SAMSN1: variants seen among roughly 807,000 people sequenced by gnomAD.
The protein encoded by SAMSN1 is SAM domain-containing protein SAMSN-1.
In SAMSN1, 31 loss-of-function variants were observed where a neutral mutation model predicts 42.0. The ratio of observed to expected loss-of-function variants is 0.74; its 90% CI spans 0.55 to 1.00. SAMSN1 has a LOEUF of 1.00. Among genes scored for constraint, SAMSN1 ranks in the 50% least tolerant of loss-of-function variants. The pLI is 0.00. For synonymous variants in SAMSN1, 178 were observed against 151.9 expected, an observed-to-expected ratio of 1.17 and a Z score of -1.26; for missense variants, 464 against 439.4, an observed-to-expected ratio of 1.06 and a Z score of -0.50.
At chr21:14,490,377 T>C (rs1986631785) in intron 7 of SAMSN1, among the ~76,000 whole-genome samples, 1 of 152,186 alleles carries the variant, frequency 6.6e-6, no homozygotes, top group African/African-American at 2.4e-5. Context: ...ATCTCCAAAG[T>C]GGCAAAACCC....
intron 1 of SAMSN1, among the ~76,000 whole-genome samples, chr21:14,545,095 T>C (rs956951686): frequency 6.6e-6 from 1 of 152,258 alleles, no homozygotes; most frequent in Admixed American, 6.5e-5. Flanking sequence ...AAGATGCTTG[T>C]CTATCCATTA....
chr21:14,550,351 T>C (rs1048433271), upstream of SAMSN1, among the ~76,000 whole-genome samples: 3 of 152,102 alleles, frequency 2.0e-5, no homozygotes, highest in African/African-American at 7.2e-5. Flanking sequence ...GTGTTACTAA[T>C]TGAAAAGCTG....
intron 3 of SAMSN1, among the ~76,000 whole-genome samples, chr21:14,516,639 G>C (rs567440037): frequency 6.6e-6 from 1 of 152,032 alleles, no homozygotes; most frequent in African/African-American, 2.4e-5. Context: ...TGATCTTCCC[G>C]CCACGGCCTC....
intron 2 of SAMSN1, among the ~76,000 whole-genome samples, chr21:14,557,737 G>A (rs1465056566): frequency 6.6e-6 from 1 of 152,168 alleles, no homozygotes; most frequent in African/African-American, 2.4e-5. Flanking sequence ...GAACGTCTCT[G>A]GTCTTTGCCT....
chr21:14,579,068 C>T (rs9978880), intron 2 of SAMSN1, among the ~76,000 whole-genome samples: 3,059 of 152,186 alleles, frequency 0.02, 99 homozygotes, highest in African/African-American at 0.069. Flanking sequence ...ATATTTTTCA[C>T]TTGTTGTTGT....
chr21:14,657,535 A>G (rs1983936935), intron 1 of SAMSN1, among the ~76,000 whole-genome samples: 1 of 151,880 alleles, frequency 6.6e-6, no homozygotes, highest in Non-Finnish European at 1.5e-5. Context: ...AAACATTAGC[A>G]TACTGATTAT....
chr21:14,559,188 A>G lies in SAMSN1; in HGVS notation c.261+22948T>C, dbSNP rs902820596. On this transcript the variant is annotated intron_variant, in intron 2 of 8. Transcript: ENST00000285670. The stretch of plus-strand genomic sequence containing the variant: ...ACTTTCTTTACAAGATAATAAATAT[A>G]TAGGGGAAAAACATGGGCTTTTGTT... Among the ~76,000 whole-genome samples, 6 of 152,168 alleles carry G rather than the reference A, an allele frequency of 3.9e-5. No homozygotes were observed. In the East Asian group the frequency reaches 5.8e-4, roughly 15 times the overall value.
intron 2 of SAMSN1, among the ~76,000 whole-genome samples, chr21:14,565,766 A>T (rs1981099000): frequency 6.6e-6 from 1 of 152,194 alleles, no homozygotes; most frequent in Non-Finnish European, 1.5e-5. Context: ...TCTTTCCGTT[A>T]TACCATGCTA....
chr21:14,508,700 T>C (rs938826670), intron 5 of SAMSN1, among the ~76,000 whole-genome samples: 4 of 152,246 alleles, frequency 2.6e-5, no homozygotes, highest in Non-Finnish European at 5.9e-5. Flanking sequence ...GCAATTCCAC[T>C]GCTAGGTATC....
intron 1 of SAMSN1, chr21:14,582,597 G>T: frequency 2.3e-6 from 1 of 436,190 alleles, no homozygotes. Context: ...GATAAACCAA[G>T]AAGTCATTCA....
chr21:14,598,617 T>C (rs1389971335), intron 6 of SAMSN1, among the ~76,000 whole-genome samples: 1 of 152,188 alleles, frequency 6.6e-6, no homozygotes, highest in Non-Finnish European at 1.5e-5. Context: ...AAGCATTCCA[T>C]GAACTCCTTC....
intron 3 of SAMSN1, among the ~76,000 whole-genome samples, chr21:14,513,206 T>G (rs915823596): frequency 3.3e-5 from 5 of 152,240 alleles, no homozygotes; most frequent in African/African-American, 1.2e-4. Flanking sequence ...CTCCAATGTT[T>G]TCCATATTTC....
intron 5 of SAMSN1, 50 bp from the exon 6 acceptor site, chr21:14,500,785 TAGAA>T (rs1987120424): frequency 2.2e-6 from 3 of 1,358,640 alleles, no homozygotes; most frequent in East Asian, 2.3e-5. Context: ...ACCTCACTGA[TAGAA>T]AGAATGAAAT....
chr21:14,551,893 CATAA>C (rs1980607779), intron 2 of SAMSN1, among the ~76,000 whole-genome samples: 1 of 152,020 alleles, frequency 6.6e-6, no homozygotes, highest in African/African-American at 2.4e-5. Flanking sequence ...AGCCTCAGCT[CATAA>C]CCATCACTCT....
At chr21:14,494,569 C>A (rs1173192542) in intron 7 of SAMSN1, among the ~76,000 whole-genome samples, 4 of 151,840 alleles carry the variant, frequency 2.6e-5, no homozygotes, top group Non-Finnish European at 5.9e-5. Context: ...GGGTGGGGGG[C>A]TAGGGGAAGG....
In SAMSN1 at chr21:14,498,455, G is replaced by A; in HGVS notation, c.906C>T (p.Phe302=). The change falls in exon 7 of 8, where the codon TTC becomes TTT. Residue 302 remains phenylalanine (F), a synonymous_variant. Coordinates refer to ENST00000400566, the MANE Select transcript of SAMSN1 (RefSeq NM_022136.5). ...RRRLLSAAEN[F]LEEEIIQEQE... ...GTACACACTTACTTTCTTCTTCAAG[G>A]AAGTTTTCAGCAGCTGATAGTAACC... is the stretch of plus-strand genomic sequence containing the variant. 2 of 1,609,840 alleles carry A rather than the reference G, an allele frequency of 1.2e-6. No homozygotes were observed. The highest frequency in any genetic ancestry group is 2.7e-5 in the African/African-American group (2 of 74,566).
At chr21:14,533,521 A>G (rs893182301) in intron 1 of SAMSN1, among the ~76,000 whole-genome samples, 3 of 152,208 alleles carry the variant, frequency 2.0e-5, no homozygotes, top group African/African-American at 7.2e-5. Context: ...CCTTTTAGGA[A>G]GACAATACAT....
chr21:14,563,390 T>G (rs936684004), intron 2 of SAMSN1, among the ~76,000 whole-genome samples: 2 of 152,202 alleles, frequency 1.3e-5, no homozygotes, highest in Non-Finnish European at 1.5e-5. Flanking sequence ...TGAATGCAAA[T>G]TACACAATGA....
chr21:14,643,394 C>A (rs1388213342), intron 1 of SAMSN1, among the ~76,000 whole-genome samples: 1 of 152,118 alleles, frequency 6.6e-6, no homozygotes, highest in Admixed American at 6.5e-5. Context: ...CAGAGGCAGG[C>A]ACACAATGAG....
Sources: allele counts gnomAD v4.1 joint callset (sites outside exome capture counted in the v4.1 genomes callset), GRCh38; gene constraint gnomAD v4.1.1; transcripts MANE v1.5; gene names NCBI Gene and HGNC (gene_info 2026-07-23, HGNC 2026-07-21).